FNBP1: variants seen among roughly 807,000 people sequenced by gnomAD.
FNBP1 encodes formin-binding protein 1.
In FNBP1, 26 loss-of-function variants were observed where a neutral mutation model predicts 90.6. That is an observed-to-expected ratio of 0.29 (90% confidence interval 0.21 to 0.40). The LOEUF is 0.40. FNBP1 is among the 10% of genes least tolerant of loss of function. The pLI is 1.00. For missense variants in FNBP1, 635 were observed against 768.0 expected (o/e 0.83, Z 2.05); for synonymous variants, 260 against 265.2 (o/e 0.98, Z 0.19).
intron 6 of FNBP1, among the ~76,000 whole-genome samples, chr9:129,943,075 C>T (rs1291578416): frequency 6.6e-6 from 1 of 152,212 alleles, no homozygotes; most frequent in East Asian, 1.9e-4. Flanking sequence ...TCCTGGCAGG[C>T]AGGTCAACGT....
At position 130,042,800 on chromosome 9, in the gene FNBP1, G is replaced by A. The variant is rs368985408; in HGVS notation, c.24+152C>T. Among the ~76,000 whole-genome samples the A allele has an allele frequency of 1.8e-4, 28 of 151,868 alleles. No individual in the cohort carries two copies. The East Asian group carries it at 2.1e-3, about 12-fold the overall frequency. ...CTGCTCGGGCCAAGGCGGACGAGGG[G>A]CATTGGAACCCCGCCTCCTCCCCAG... On this transcript the variant is annotated intron_variant, in intron 1 of 16. Transcript: ENST00000446176. The surrounding 1 kb of genome is among the most constrained non-coding windows in gnomAD (Gnocchi z 5.5).
chr9:130,038,889 G>A (rs541518883), intron 1 of FNBP1, among the ~76,000 whole-genome samples: 4 of 152,256 alleles, frequency 2.6e-5, no homozygotes, highest in African/African-American at 9.6e-5. Flanking sequence ...TACGAGGAAG[G>A]CTTAATTTTC....
chr9:129,929,802 T>G, intron 6 of FNBP1, 107 bp from the exon 7 acceptor site: 1 of 1,007,338 alleles, frequency 9.9e-7, no homozygotes, highest in Non-Finnish European at 1.5e-6. Context: ...AGGGGCCAGA[T>G]TTACCTCAAA....
Position 130,022,808 on chromosome 9 carries a change from G to A in FNBP1, c.24+20144C>T, listed in dbSNP as rs565803696. Among the ~76,000 whole-genome samples, 3 of 152,242 alleles carry A rather than the reference G, an allele frequency of 2.0e-5. No individual in the cohort carries two copies. The South Asian group carries it at 6.2e-4, about 32-fold the overall frequency. ...CCCACCTCACCCTCCCAAGTACCTA[G>A]GACTACAGGTGTGCGTTAGCACGCC... On this transcript the variant is annotated intron_variant, in intron 1 of 16. Coordinates refer to ENST00000446176, the MANE Select transcript of FNBP1 (RefSeq NM_015033.3).
At chr9:129,905,288 G>GTATA (rs1369310193) in intron 12 of FNBP1, among the ~76,000 whole-genome samples, 7 of 66,030 alleles carry the variant, frequency 1.1e-4, no homozygotes, top group African/African-American at 3.5e-4. Context: ...GTGTGTGTGT[G>GTATA]TGTGTGTATA....
Position 129,925,085 on chromosome 9 carries a change from T to C in FNBP1, c.862A>G (p.Thr288Ala), listed in dbSNP as rs1331891024. 1.9e-6 allele frequency: 3 copies of C among 1,613,794 alleles called. No individual in the cohort carries two copies. Among genetic ancestry groups the C allele is most frequent in the Admixed American group, 1.7e-5 (1 of 59,998 alleles). The stretch of plus-strand genomic sequence containing the variant: ...GACACAGTGCGCTTCATTGGCTGAG[T>C]GTAATCCTCAAATTCAATGTCTCCA... ...PPGDIEFEDY[T>A]QPMKRTVSDN... Residue 288 changes from threonine (T) to alanine (A), a missense_variant, in exon 9 of 17, where the codon ACT becomes GCT. By Grantham distance (58) the Thr-to-Ala change is moderately conservative (BLOSUM62 0). Transcript: ENST00000446176.
chr9:129,903,095 C>T lies in FNBP1; in HGVS notation c.1296-94G>A, dbSNP rs138554981. ...TCACCCAGGCTGGAGTGCAATGGTG[C>T]GATCTCGGCTCACTGCAACGATCTT... On this transcript the variant is annotated intron_variant, in intron 12 of 16. Transcript: ENST00000446176. The T allele has an allele frequency of 6.3e-3, 7,748 of 1,226,500 alleles. 47 individuals are homozygous for T. Among genetic ancestry groups the T allele is most frequent in the Non-Finnish European group, 7.7e-3 (6,809 of 881,648 alleles). The allele number at this position is 1,226,500 out of a possible 1,614,324, so 76.0% of individuals were successfully genotyped here.
intron 8 of FNBP1, among the ~76,000 whole-genome samples, chr9:129,926,467 T>G (rs1455559257): frequency 1.3e-5 from 2 of 152,186 alleles, no homozygotes; most frequent in East Asian, 3.8e-4. Context: ...GAGACATTTT[T>G]GATTGTCACA....
chr9:129,965,651 T>C (rs2048436207), intron 4 of FNBP1, among the ~76,000 whole-genome samples: 1 of 151,750 alleles, frequency 6.6e-6, no homozygotes, highest in Admixed American at 6.6e-5. Flanking sequence ...GAGACCAGCC[T>C]GGGTAACATG....
At chr9:129,932,941 A>G (rs983430192) in intron 6 of FNBP1, among the ~76,000 whole-genome samples, 1 of 152,084 alleles carries the variant, frequency 6.6e-6, no homozygotes, top group Admixed American at 6.6e-5. Context: ...GCTGAGTTTC[A>G]TCATGTATCA....
At chr9:129,979,627 G>A (rs1051713550) in intron 2 of FNBP1, among the ~76,000 whole-genome samples, 1 of 152,164 alleles carries the variant, frequency 6.6e-6, no homozygotes, top group African/African-American at 2.4e-5. Flanking sequence ...GACAGACCAT[G>A]TGTAAATATG....
intron 2 of FNBP1, among the ~76,000 whole-genome samples, chr9:129,991,968 G>A (rs77966005): frequency 0.037 from 5,564 of 152,190 alleles, 187 homozygotes; most frequent in African/African-American, 0.086. Flanking sequence ...CAAGTTTTTA[G>A]ACATTTCTAA....
intron 6 of FNBP1, among the ~76,000 whole-genome samples, chr9:129,945,943 G>T (rs768573279): frequency 2.0e-5 from 3 of 152,156 alleles, no homozygotes; most frequent in African/African-American, 7.2e-5. Flanking sequence ...CAAGGCAGAC[G>T]GATCACTTGA....
intron 6 of FNBP1, among the ~76,000 whole-genome samples, chr9:129,955,925 G>A (rs986496230): frequency 1.3e-5 from 2 of 149,698 alleles, no homozygotes; most frequent in South Asian, 2.1e-4. Context: ...TGAAACTTTG[G>A]GCTAATCTAA....
At chr9:129,959,554 A>C (rs766341754) in intron 4 of FNBP1, among the ~76,000 whole-genome samples, 3 of 152,130 alleles carry the variant, frequency 2.0e-5, no homozygotes, top group Non-Finnish European at 4.4e-5. Context: ...GTGCTAATGC[A>C]CTCCAGCTCT....
At chr9:130,036,542 C>T (rs1224237523) in intron 1 of FNBP1, among the ~76,000 whole-genome samples, 1 of 152,186 alleles carries the variant, frequency 6.6e-6, no homozygotes, top group Non-Finnish European at 1.5e-5. Flanking sequence ...ATCTCCAGGC[C>T]TCCCACGGTT....
chr9:129,968,158 G>T (rs2048901085), intron 4 of FNBP1, among the ~76,000 whole-genome samples: 1 of 152,100 alleles, frequency 6.6e-6, no homozygotes, highest in African/African-American at 2.4e-5. Context: ...ACTTTGGGAG[G>T]CCGAGGCAGG....
upstream of FNBP1, among the ~76,000 whole-genome samples, chr9:130,044,347 G>T (rs1421985977): frequency 6.6e-6 from 1 of 152,168 alleles, no homozygotes; most frequent in Non-Finnish European, 1.5e-5. Flanking sequence ...AGCTAACCCG[G>T]GTCTGGTGGC....
At chr9:130,006,410 G>A (rs542557054) in intron 1 of FNBP1, among the ~76,000 whole-genome samples, 5 of 152,338 alleles carry the variant, frequency 3.3e-5, no homozygotes, top group South Asian at 4.1e-4. Context: ...CAGGAGAATC[G>A]CTTGAACCTG....
Sources: allele counts gnomAD v4.1 joint callset (sites outside exome capture counted in the v4.1 genomes callset), GRCh38; gene constraint gnomAD v4.1.1; non-coding constraint Gnocchi (gnomAD v3.1); transcripts MANE v1.5; gene names NCBI Gene and HGNC (gene_info 2026-07-23, HGNC 2026-07-21).